The following SLC35F3 variants were observed in gnomAD, a reference collection of about 807,000 sequenced individuals.
SLC35F3 encodes the protein putative thiamine transporter SLC35F3.
SLC35F3 carries 25 observed loss-of-function variants against 49.9 expected under a neutral mutation model. The ratio of observed to expected loss-of-function variants is 0.50; its 90% CI spans 0.37 to 0.70. The LOEUF is 0.70. SLC35F3 is among the 30% of genes least tolerant of loss of function. SLC35F3 has a pLI of 0.00. For synonymous variants in SLC35F3, 275 were observed against 265.4 expected (o/e 1.04, Z -0.35); for missense variants, 525 against 639.8 (o/e 0.82, Z 1.94).
intron 2 of SLC35F3, among the ~76,000 whole-genome samples, chr1:234,010,198 A>G (rs1343827379): frequency 6.6e-6 from 1 of 152,232 alleles, no homozygotes; most frequent in Non-Finnish European, 1.5e-5. Context: ...CAAAATGATG[A>G]AAGTTTTGAT....
chr1:234,200,163 G>A (rs574362909), intron 2 of SLC35F3, among the ~76,000 whole-genome samples: 20 of 151,720 alleles, frequency 1.3e-4, no homozygotes, highest in African/African-American at 2.2e-4. Flanking sequence ...AAATCACTAC[G>A]TCAAAAAAAA....
intron 2 of SLC35F3, among the ~76,000 whole-genome samples, chr1:234,040,634 G>A (rs1664205645): frequency 6.6e-6 from 1 of 152,214 alleles, no homozygotes; most frequent in Non-Finnish European, 1.5e-5. Context: ...ACTGCTTCCT[G>A]TCATGGATGA....
intron 2 of SLC35F3, among the ~76,000 whole-genome samples, chr1:233,948,192 A>G (rs1216292545): frequency 1.1e-5 from 1 of 92,154 alleles, no homozygotes; most frequent in Non-Finnish European, 2.7e-5. Context: ...GAGGGAGGGG[A>G]GAGAGAGAGA....
At chr1:234,062,189 G>T (rs1664550924) in intron 2 of SLC35F3, among the ~76,000 whole-genome samples, 1 of 152,136 alleles carries the variant, frequency 6.6e-6, no homozygotes, top group African/African-American at 2.4e-5. Flanking sequence ...ATTTAGTGAG[G>T]TTTATTTTCC....
At chr1:234,084,170 C>G (rs1157918530) in intron 2 of SLC35F3, among the ~76,000 whole-genome samples, 2 of 151,940 alleles carry the variant, frequency 1.3e-5, no homozygotes, top group Admixed American at 6.6e-5. Flanking sequence ...AATTATCATT[C>G]TCATGAGGCA....
At chr1:234,088,263 A>G (rs1164077864) in intron 2 of SLC35F3, among the ~76,000 whole-genome samples, 1 of 152,218 alleles carries the variant, frequency 6.6e-6, no homozygotes, top group African/African-American at 2.4e-5. Context: ...GCTGCAGTAC[A>G]GTGGCGCGAT....
chr1:233,938,863 A>G (rs1662377125), intron 2 of SLC35F3, among the ~76,000 whole-genome samples: 1 of 152,238 alleles, frequency 6.6e-6, no homozygotes, highest in Non-Finnish European at 1.5e-5. Context: ...AAAACTTATC[A>G]GAAAGCAGTA....
chr1:234,158,163 A>G (rs1666179752), intron 2 of SLC35F3, among the ~76,000 whole-genome samples: 1 of 152,210 alleles, frequency 6.6e-6, no homozygotes, highest in Non-Finnish European at 1.5e-5. Flanking sequence ...GTGAGGGAAT[A>G]ACTTCATTTT....
intron 2 of SLC35F3, among the ~76,000 whole-genome samples, chr1:233,940,645 C>T (rs1002041004): frequency 8.5e-5 from 13 of 152,192 alleles, no homozygotes; most frequent in African/African-American, 3.1e-4. Context: ...GTAAACCTAA[C>T]TCTCAAATAA....
At chr1:233,967,872 A>G (rs1662927120) in intron 2 of SLC35F3, among the ~76,000 whole-genome samples, 1 of 152,202 alleles carries the variant, frequency 6.6e-6, no homozygotes, top group Non-Finnish European at 1.5e-5. Context: ...AAAAAGGAGA[A>G]ACAGAAAAAA....
chr1:233,905,262 G>C (rs1661753412), intron 1 of SLC35F3, 132 bp downstream of exon 1: 1 of 1,017,956 alleles, frequency 9.8e-7, no homozygotes, highest in South Asian at 1.5e-5. Context: ...GGAGCTGCTC[G>C]GGAAGTTTCA....
intron 6 of SLC35F3, among the ~76,000 whole-genome samples, chr1:234,319,850 C>T (rs989634539): frequency 1.3e-5 from 2 of 152,182 alleles, no homozygotes; most frequent in Non-Finnish European, 2.9e-5. Context: ...CAGTGGTTAC[C>T]ATTTCCAAAC....
chr1:234,097,114 C>G (rs978529477), intron 2 of SLC35F3, among the ~76,000 whole-genome samples: 1 of 152,088 alleles, frequency 6.6e-6, no homozygotes, highest in African/African-American at 2.4e-5. Context: ...GTCTCGAACT[C>G]CCGACCTCAG....
chr1:234,272,934 G>T (rs1668132213), intron 3 of SLC35F3, among the ~76,000 whole-genome samples: 2 of 152,168 alleles, frequency 1.3e-5, no homozygotes, highest in Non-Finnish European at 2.9e-5. Context: ...GGTGGACTTG[G>T]AAGCCCGCGC....
intron 1 of SLC35F3, 67 bp from the exon 2 acceptor site, chr1:233,905,462 C>T: frequency 3.3e-6 from 4 of 1,219,000 alleles, no homozygotes; most frequent in South Asian, 1.4e-5. Context: ...CTGCTCCTCA[C>T]GAATCCCCTC....
chr1:233,931,799 A>G (rs1211444775), intron 2 of SLC35F3, among the ~76,000 whole-genome samples: 1 of 152,222 alleles, frequency 6.6e-6, no homozygotes, highest in East Asian at 1.9e-4. Context: ...CTGGGTATAT[A>G]CCCAAAGGAT....
At chr1:234,073,756 T>G (rs557045149) in intron 2 of SLC35F3, among the ~76,000 whole-genome samples, 2 of 152,344 alleles carry the variant, frequency 1.3e-5, no homozygotes, top group Admixed American at 1.3e-4. Flanking sequence ...ACCACTGGAC[T>G]TTTTTCTCTT....
At chr1:234,278,494 G>GAA (rs564341361) in intron 3 of SLC35F3, among the ~76,000 whole-genome samples, 7,673 of 105,440 alleles carry the variant, frequency 0.073, 262 homozygotes, top group African/African-American at 0.11. Flanking sequence ...TGTTTCAAAA[G>GAA]AAAAAAAAAA....
chr1:234,156,246 C>T (rs907341608), intron 2 of SLC35F3, among the ~76,000 whole-genome samples: 1 of 151,930 alleles, frequency 6.6e-6, no homozygotes, highest in African/African-American at 2.4e-5. Flanking sequence ...CAGTAATACT[C>T]GGAGTCTGGG....
Sources: gnomAD v4.1 joint callset for allele counts (sites outside exome capture counted in the v4.1 genomes callset) on GRCh38, gnomAD v4.1.1 for gene constraint, MANE v1.5 for transcripts, NCBI Gene and HGNC (gene_info 2026-07-23, HGNC 2026-07-21) for gene names.